Variants in CTNNA2 observed in about 807,000 individuals in gnomAD.
CTNNA2 encodes the protein catenin alpha-2.
A neutral mutation model predicts 101.0 loss-of-function variants in CTNNA2; 42 were observed. The ratio of observed to expected loss-of-function variants is 0.42; its 90% confidence interval spans 0.32 to 0.54. The LOEUF (loss-of-function observed/expected upper bound fraction) is 0.54, where lower values mean the gene tolerates loss of function less well. Ranked by LOEUF, CTNNA2 falls within the 20% of genes least tolerant of loss-of-function variation. The probability of loss-of-function intolerance (pLI) is 0.14; values close to 1 mark genes in which losing one functional copy is unlikely to be tolerated. For synonymous variants in CTNNA2, 450 were observed against 456.4 expected, an observed-to-expected ratio of 0.99 and a Z score of 0.18; for missense variants, 871 against 1,223.1, an observed-to-expected ratio of 0.71 and a Z score of 4.29.
At chr2:80,258,550 T>G (rs1462381414) in intron 7 of CTNNA2, among the ~76,000 whole-genome samples, 1 of 152,074 alleles carries the variant, frequency 6.6e-6, no homozygotes, top group Non-Finnish European at 1.5e-5. Flanking sequence ...AGACATATAG[T>G]CAAGCTAGGG....
Position 80,545,061 on chromosome 2 carries a change from G to C in CTNNA2, c.1370G>C (p.Ser457Thr). 1.1e-5 allele frequency: 18 copies of C among 1,613,956 alleles called. No homozygotes were observed. The highest frequency in any genetic ancestry group is 1.4e-5 in the Non-Finnish European group (17 of 1,179,922). ...LVRMAATQID[S>T]LCPQVINAAL... ...CGGATGGCAGCCACCCAGATTGACA[G>C]CCTGTGTCCCCAGGTAAGCCTCATT... The change falls in exon 10 of 19, where the codon AGC becomes ACC. Residue 457 changes from serine to threonine, a missense_variant. Coordinates refer to ENST00000402739, the MANE Select transcript of CTNNA2 (RefSeq NM_001282597.3).
intron 9 of CTNNA2, among the ~76,000 whole-genome samples, chr2:80,543,283 T>C (rs981523686): frequency 5.9e-5 from 9 of 152,166 alleles, no homozygotes; most frequent in South Asian, 2.1e-4. Flanking sequence ...TTAAGAGACC[T>C]GCATCGTTGG....
At chr2:79,559,349 G>A (rs1029592532) in intron 1 of CTNNA2, among the ~76,000 whole-genome samples, 13 of 151,834 alleles carry the variant, frequency 8.6e-5, no homozygotes, top group Admixed American at 1.3e-4. Context: ...TGGAGTTTAT[G>A]ATTGGGTAGA....
Position 79,520,718 on chromosome 2 carries a change from A to G in CTNNA2, c.-6+7511A>G, listed in dbSNP as rs77338383. On this transcript the variant is annotated intron_variant, in intron 1 of 18. Transcript: ENST00000402739. ...ACACAAGAAAATATACAAATATCTA[A>G]TGAGCACATGATAACTCTATAATTC... Among the ~76,000 whole-genome samples, 1,478 of 152,284 alleles carry G rather than the reference A, an allele frequency of 9.7e-3. 26 individuals are homozygous for G. The highest frequency in any genetic ancestry group is 0.047 in the East Asian group (245 of 5,172).
chr2:80,507,763 C>T (rs1282532312), intron 9 of CTNNA2, among the ~76,000 whole-genome samples: 1 of 152,128 alleles, frequency 6.6e-6, no homozygotes, highest in Non-Finnish European at 1.5e-5. Flanking sequence ...TTACCATGCT[C>T]AATCTATTAT....
chr2:80,246,511 T>C (rs13020826), intron 7 of CTNNA2, among the ~76,000 whole-genome samples: 1 of 152,218 alleles, frequency 6.6e-6, no homozygotes, highest in African/African-American at 2.4e-5. Context: ...GCATTGGATG[T>C]AGGTCTTTGT....
intron 6 of CTNNA2, among the ~76,000 whole-genome samples, chr2:79,894,205 A>G (rs1465163169): frequency 6.6e-6 from 1 of 152,020 alleles, no homozygotes; most frequent in Non-Finnish European, 1.5e-5. Flanking sequence ...TAACCTTGAT[A>G]TGCTATGAAT....
At chr2:79,645,254 T>C (rs1490890946) in intron 1 of CTNNA2, among the ~76,000 whole-genome samples, 1 of 152,174 alleles carries the variant, frequency 6.6e-6, no homozygotes, top group Non-Finnish European at 1.5e-5. Flanking sequence ...CCCAAAGTAC[T>C]GGGATTATAG....
At chr2:79,988,060 C>G (rs1010866337) in intron 7 of CTNNA2, among the ~76,000 whole-genome samples, 7 of 152,140 alleles carry the variant, frequency 4.6e-5, no homozygotes, top group Admixed American at 4.6e-4. Flanking sequence ...GCAGACTTCC[C>G]TGGTTTTGTT....
chr2:80,035,389 T>G (rs982637267), intron 7 of CTNNA2, among the ~76,000 whole-genome samples: 1 of 152,174 alleles, frequency 6.6e-6, no homozygotes, highest in Non-Finnish European at 1.5e-5. Context: ...GAGAAAAATA[T>G]TTACAAAGCA....
chr2:80,587,959 A>G (rs577485229), intron 14 of CTNNA2, among the ~76,000 whole-genome samples: 2 of 152,342 alleles, frequency 1.3e-5, no homozygotes, highest in East Asian at 3.9e-4. Flanking sequence ...TACTCCTGAT[A>G]GTTATGTTCT....
intron 9 of CTNNA2, among the ~76,000 whole-genome samples, chr2:80,520,299 C>T (rs1689430403): frequency 6.6e-6 from 1 of 151,826 alleles, no homozygotes; most frequent in South Asian, 2.1e-4. Context: ...TGGCCTGTGC[C>T]ATCCCCTTTT....
rs114535909 is a variant in CTNNA2 at position 80,083,957 on chromosome 2, G to A, written c.1056+174160G>A. ...AGCTCGGTGGCTTTCCCACAGAGAG[G>A]TAATGTATCTTGATGAGACAAGAGC... On this transcript the variant is annotated intron_variant, in intron 7 of 18. Transcript: ENST00000402739. Among the ~76,000 whole-genome samples, 214 of 152,144 alleles carry A rather than the reference G, an allele frequency of 1.4e-3. 1 individual carries two copies. The highest frequency in any genetic ancestry group is 5.0e-3 in the African/African-American group (207 of 41,512).
chr2:79,532,626 A>G (rs1399640256), intron 1 of CTNNA2, among the ~76,000 whole-genome samples: 1 of 152,040 alleles, frequency 6.6e-6, no homozygotes, highest in East Asian at 1.9e-4. Flanking sequence ...TTTTTGAATG[A>G]CATATTTTGG....
At chr2:80,173,529 T>C (rs1462182006) in intron 7 of CTNNA2, among the ~76,000 whole-genome samples, 1 of 152,164 alleles carries the variant, frequency 6.6e-6, no homozygotes, top group Non-Finnish European at 1.5e-5. Context: ...AGGGAGATTA[T>C]TTAAGGAAGG....
intron 4 of CTNNA2, among the ~76,000 whole-genome samples, chr2:79,456,316 A>C (rs1045000780): frequency 2.0e-5 from 3 of 151,920 alleles, no homozygotes; most frequent in African/African-American, 7.2e-5. Flanking sequence ...TTCTACATCT[A>C]GTCCTTTGAT....
chr2:80,610,163 TTCC>T (rs1294790895), intron 17 of CTNNA2, among the ~76,000 whole-genome samples: 1 of 151,712 alleles, frequency 6.6e-6, no homozygotes, highest in African/African-American at 2.4e-5. Context: ...TGCTCTTGGC[TTCC>T]TCATGATTTA....
At chr2:80,079,316 A>C (rs1021132176) in intron 7 of CTNNA2, among the ~76,000 whole-genome samples, 2 of 152,298 alleles carry the variant, frequency 1.3e-5, no homozygotes, top group South Asian at 4.1e-4. Flanking sequence ...AGGTAGAAGG[A>C]GGTAGGTGGA....
intron 2 of CTNNA2, among the ~76,000 whole-genome samples, chr2:79,700,825 TC>T (rs1237517718): frequency 6.6e-6 from 1 of 152,212 alleles, no homozygotes; most frequent in East Asian, 1.9e-4. Context: ...GTACCCTCAG[TC>T]AGCCACTTCG....
Sources: allele counts gnomAD v4.1 joint callset (sites outside exome capture counted in the v4.1 genomes callset), GRCh38; gene constraint gnomAD v4.1.1; transcripts MANE v1.5; gene names NCBI Gene and HGNC (gene_info 2026-07-23, HGNC 2026-07-21).